CPM: variants seen among roughly 807,000 people sequenced by gnomAD.
The protein encoded by CPM is carboxypeptidase M, also known as renal carboxypeptidase.
Under a neutral mutation model 46.4 loss-of-function variants are expected in CPM, and 35 were observed. The ratio of observed to expected loss-of-function variants is 0.75; its 90% confidence interval spans 0.58 to 1.00. The LOEUF (loss-of-function observed/expected upper bound fraction) is 1.00. CPM is among the 50% of genes least tolerant of loss of function. The pLI, the probability that CPM is intolerant of heterozygous loss-of-function variation, is 0.00. For missense variants in CPM, 422 were observed against 530.4 expected (o/e 0.80, Z 2.01); for synonymous variants, 195 against 195.3 (o/e 1.00, Z 0.01).
chr12:68,941,582 G>C (rs553098235), intron 1 of CPM, among the ~76,000 whole-genome samples: 2 of 152,042 alleles, frequency 1.3e-5, no homozygotes, highest in African/African-American at 4.8e-5. Flanking sequence ...TCACCATGTT[G>C]CCCAGGCTGG....
intron 2 of CPM, among the ~76,000 whole-genome samples, chr12:68,887,677 T>C (rs759305491): frequency 6.6e-6 from 1 of 152,188 alleles, no homozygotes; most frequent in Non-Finnish European, 1.5e-5. Flanking sequence ...AGCCACATGC[T>C]CTATGCCCAA....
intron 2 of CPM, among the ~76,000 whole-genome samples, chr12:68,916,888 C>CAAAAAA (rs779418018): frequency 6.0e-4 from 49 of 82,112 alleles, no homozygotes; most frequent in African/African-American, 1.2e-3. Flanking sequence ...ACTCTTGTCT[C>CAAAAAA]AAAAAAAAAA....
chr12:68,952,587 G>T (rs982882050), intron 1 of CPM, among the ~76,000 whole-genome samples: 1 of 152,214 alleles, frequency 6.6e-6, no homozygotes, highest in African/African-American at 2.4e-5. Flanking sequence ...CACCTATGAA[G>T]CTGGCTCTGC....
intron 3 of CPM, among the ~76,000 whole-genome samples, chr12:68,874,758 T>C (rs1565774845): frequency 6.6e-6 from 1 of 152,110 alleles, no homozygotes; most frequent in African/African-American, 2.4e-5. Context: ...TTAGAGGCCA[T>C]AGTATGGTTC....
At chr12:68,842,300 T>C in exon 6 of CPM, 2 of 495,832 alleles carry the variant, frequency 4.0e-6, no homozygotes, top group South Asian at 3.1e-5. Flanking sequence ...AAAACTCATC[T>C]TGACCCCTGT....
intron 2 of CPM, among the ~76,000 whole-genome samples, chr12:68,905,333 T>G (rs943703465): frequency 1.4e-4 from 21 of 152,058 alleles, no homozygotes; most frequent in African/African-American, 4.8e-5. Context: ...CAGACTATAG[T>G]GCAGTGGTGT....
At chr12:68,962,164 C>T (rs534148972) in intron 1 of CPM, among the ~76,000 whole-genome samples, 11 of 146,836 alleles carry the variant, frequency 7.5e-5, no homozygotes, top group South Asian at 4.2e-4. Flanking sequence ...AGCGCCACTG[C>T]ACTCCAGCCT....
chr12:68,915,830 T>C (rs955516826), intron 2 of CPM, among the ~76,000 whole-genome samples: 46 of 152,236 alleles, frequency 3.0e-4, no homozygotes, highest in African/African-American at 4.6e-4. Context: ...CCTACCAAGA[T>C]ATCATTTTGG....
Position 68,869,354 on chromosome 12 carries a change from G to A in CPM, c.758C>T (p.Thr253Ile). ...GAGTGGATACCAAGAGTATCCATTT[G>A]TAACACCATTAGGAAAGTTCATTTT... is the stretch of plus-strand genomic sequence containing the variant. ...KNKMNFPNGV[T>I]NGYSWYPLQG... Residue 253 changes from threonine (T) to isoleucine (I), a missense_variant, in exon 6 of 9, where the codon ACA (threonine) becomes ATA (isoleucine). Transcript: ENST00000551568. 2 of 1,613,644 alleles carry A rather than the reference G, an allele frequency of 1.2e-6. No homozygotes were observed. Among genetic ancestry groups the A allele is most frequent in the Non-Finnish European group, 1.7e-6 (2 of 1,179,880 alleles).
intron 5 of CPM, 27 bp from the exon 6 acceptor site, chr12:68,869,522 T>A (rs1885597406): frequency 6.3e-7 from 1 of 1,577,400 alleles, no homozygotes; most frequent in African/African-American, 1.4e-5. Context: ...AACCAAGACC[T>A]TTAAACTGAC....
Position 68,871,893 on chromosome 12 carries a change from G to C in CPM, c.322C>G (p.Pro108Ala). 6.2e-7 allele frequency: 1 copy of C among 1,614,050 alleles called. No homozygotes were observed. The highest frequency in any genetic ancestry group is 8.5e-7 in the Non-Finnish European group (1 of 1,180,012). Residue 108 changes from proline (P) to alanine (A), a missense_variant, in exon 4 of 9, where the codon CCT becomes GCT. By Grantham distance (27) the Pro-to-Ala change is conservative (BLOSUM62 -1). Coordinates refer to ENST00000551568, the MANE Select transcript of CPM (RefSeq NM_198320.5). ...CTATTGATCAGATTTGTGATTTCAG[G>C]GTCTTTGCCATCACTGGTTACGAGA... ...DYLVTSDGKDPEITNLINSTR... is the reference protein window; with the variant it reads ...DYLVTSDGKDAEITNLINSTR...
intron 3 of CPM, among the ~76,000 whole-genome samples, chr12:68,879,298 G>A (rs1886090161): frequency 6.6e-6 from 1 of 152,200 alleles, no homozygotes. Flanking sequence ...GGAAACCTGG[G>A]TTTGAACCCA....
At chr12:68,913,233 C>T (rs985500422) in intron 2 of CPM, among the ~76,000 whole-genome samples, 8 of 152,196 alleles carry the variant, frequency 5.3e-5, no homozygotes, top group African/African-American at 1.9e-4. Context: ...CTGCCCCCTA[C>T]TGTCCCCTAC....
chr12:68,959,456 G>A (rs189070308), intron 1 of CPM, among the ~76,000 whole-genome samples: 20 of 152,232 alleles, frequency 1.3e-4, no homozygotes, highest in Admixed American at 8.5e-4. Flanking sequence ...CTTGTACTAC[G>A]CTGTTAATTC....
In CPM at chr12:68,957,689, G is replaced by GATTATTATT. The variant is rs58290286; in HGVS notation, c.-4+5471_-4+5479dup. 8.6e-3 allele frequency: 1,299 copies of GATTATTATT among 151,726 alleles called. 13 individuals carry two copies. The highest frequency in any genetic ancestry group is 0.021 in the Middle Eastern group (6 of 290). The allele number at this position is 151,726 out of a possible 1,614,324, so 9.4% of individuals were successfully genotyped here. ...ATTGGATGTTAGATACTAAAAAGGGGATTATTATTATTATTATTATACTTT... is the reference window on the plus strand; with the variant it reads ...ATTGGATGTTAGATACTAAAAAGGGGATTATTATTATTATTATTATTATTATTATACTTT... On this transcript the variant is annotated intron_variant, in intron 1 of 8. Transcript: ENST00000546373.
upstream of CPM, among the ~76,000 whole-genome samples, chr12:68,937,870 G>A (rs1320144739): frequency 6.6e-6 from 1 of 152,102 alleles, no homozygotes; most frequent in African/African-American, 2.4e-5. Context: ...GCAAAGCAGA[G>A]GAAAAAGCAC....
Position 68,913,398 on chromosome 12 carries a change from G to C in CPM, c.160+19280C>G, listed in dbSNP as rs1887679379. On this transcript the variant is annotated intron_variant, in intron 2 of 8. Transcript: ENST00000551568. The stretch of plus-strand genomic sequence containing the variant: ...TCTGCCCAGAGCATAGTAAGGATGT[G>C]GGTGTGGGGAGGGCCAACAGTGGGA... 2.0e-5 allele frequency among the ~76,000 whole-genome samples: 3 copies of C among 152,132 alleles called. 1 individual carries two copies. The highest frequency in any genetic ancestry group is 4.4e-5 in the Non-Finnish European group (3 of 68,036).
intron 3 of CPM, among the ~76,000 whole-genome samples, chr12:68,883,549 G>T (rs1886289619): frequency 6.6e-6 from 1 of 152,104 alleles, no homozygotes; most frequent in African/African-American, 2.4e-5. Context: ...TCAGCCCTCA[G>T]CATTTCTCAA....
chr12:68,871,787 C>T lies in CPM; in HGVS notation c.428G>A (p.Gly143Glu). Residue 143 changes from glycine (G) to glutamate (E), a missense_variant, in exon 4 of 9, where the codon GGA becomes GAA. Physicochemically the swap from Gly to Glu is moderately conservative, Grantham distance 98 (BLOSUM62 -2). Coordinates refer to ENST00000551568, the MANE Select transcript of CPM (RefSeq NM_198320.5). ...AGATAGACCAGCCCCTCTTTACCTT[C>T]CGATGCTGTAATAACAGTCAGGCTT... Reference protein sequence around the residue: ...VKKPDCYYSIGRENYNQYDLN... With the variant: ...VKKPDCYYSIERENYNQYDLN... The T allele has an allele frequency of 6.2e-7, 1 of 1,614,106 alleles. No homozygotes were observed. The highest frequency in any genetic ancestry group is 8.5e-7 in the Non-Finnish European group (1 of 1,180,002).
Sources: gnomAD v4.1 joint callset for allele counts (sites outside exome capture counted in the v4.1 genomes callset) on GRCh38, gnomAD v4.1.1 for gene constraint, MANE v1.5 for transcripts, NCBI Gene and HGNC (gene_info 2026-07-23, HGNC 2026-07-21) for gene names.